Variants in PTPRF observed in about 807,000 individuals in gnomAD.
The protein encoded by PTPRF is receptor-type tyrosine-protein phosphatase F.
Under a neutral mutation model 201.8 loss-of-function variants are expected in PTPRF, and 59 were observed. The observed-to-expected ratio is 0.29, with a 90% CI of 0.24 to 0.36. The LOEUF (loss-of-function observed/expected upper bound fraction) is 0.36, where lower values mean the gene tolerates loss of function less well. Among genes scored for constraint, PTPRF ranks in the 10% least tolerant of loss-of-function variants. The probability of loss-of-function intolerance (pLI) is 1.00; values close to 1 mark genes in which losing one functional copy is unlikely to be tolerated. For missense variants in PTPRF, 2,132 were observed against 2,690.5 expected (o/e 0.79, Z 4.59); for synonymous variants, 1,088 against 1,089.7 (o/e 1.00, Z 0.03).
At chr1:43,576,960 T>C (rs918995192) in intron 6 of PTPRF, among the ~76,000 whole-genome samples, 8 of 152,328 alleles carry the variant, frequency 5.3e-5, no homozygotes, top group Middle Eastern at 3.4e-3. Context: ...CCTGCCCATC[T>C]ACTCAGCCTG....
intron 6 of PTPRF, among the ~76,000 whole-genome samples, chr1:43,571,457 C>G (rs1229924733): frequency 1.3e-5 from 2 of 152,238 alleles, no homozygotes; most frequent in African/African-American, 4.8e-5. Context: ...AAAATTCGAC[C>G]TGCCTTCTGG....
intron 6 of PTPRF, among the ~76,000 whole-genome samples, chr1:43,572,443 G>A (rs1465254023): frequency 6.6e-6 from 1 of 152,192 alleles, no homozygotes; most frequent in Non-Finnish European, 1.5e-5. Flanking sequence ...TCCAGCTCCT[G>A]GGATGGAGCC....
upstream of PTPRF, among the ~76,000 whole-genome samples, chr1:43,524,275 G>A (rs141301554): frequency 9.6e-4 from 146 of 152,158 alleles, no homozygotes; most frequent in African/African-American, 3.4e-3. Flanking sequence ...TTCAGATGAC[G>A]GATGCACCAA....
chr1:43,592,480 C>T lies in PTPRF; in HGVS notation c.1692C>T (p.Thr564=). ...AGCACAAGGTGACCTTCGACCCAAC[C>T]TCCTCCTACACACTAGAGGACCTGA... The part of the protein sequence containing the change: ...DQQHKVTFDP[T]SSYTLEDLKP... Residue 564 remains threonine (T), a synonymous_variant, in exon 11 of 34, where the codon ACC becomes ACT. Coordinates refer to ENST00000359947, the MANE Select transcript of PTPRF (RefSeq NM_002840.5). The T allele has an allele frequency of 2.5e-6, 4 of 1,612,022 alleles. No individual in the cohort carries two copies. The highest frequency in any genetic ancestry group is 3.4e-6 in the Non-Finnish European group (4 of 1,179,142).
chr1:43,569,896 T>A, intron 6 of PTPRF, 118 bp downstream of exon 6: 1 of 1,168,866 alleles, frequency 8.6e-7, no homozygotes, highest in Non-Finnish European at 1.1e-6. Flanking sequence ...GGAGGGTACC[T>A]GGTGGGGTGG....
intron 13 of PTPRF, among the ~76,000 whole-genome samples, chr1:43,600,191 T>C (rs2154022452): frequency 6.6e-6 from 1 of 152,264 alleles, no homozygotes; most frequent in East Asian, 1.9e-4. Context: ...GAGGGCTCCT[T>C]GTGGAGCCTC....
intron 22 of PTPRF, chr1:43,613,203 G>A (rs1315565604): frequency 4.2e-5 from 13 of 313,222 alleles, no homozygotes; most frequent in South Asian, 3.2e-4. Flanking sequence ...GACGATGGCT[G>A]TGAGTCTCCC....
Position 43,618,830 on chromosome 1 carries a change from G to A in PTPRF, c.4491+81G>A. On this transcript the variant is annotated intron_variant, in intron 26 of 33. Transcript: ENST00000359947. ...TGGGTGTGGTGTGCTGGGTCGGGGG[G>A]AAGCTGGAGCCTGGGTGTTGGAGGG... 5 of 1,548,708 alleles carry A rather than the reference G, an allele frequency of 3.2e-6. No individual in the cohort carries two copies. The South Asian group carries it at 6.0e-5, about 19-fold the overall frequency.
chr1:43,609,722 CTT>C (rs1655993697), intron 22 of PTPRF, among the ~76,000 whole-genome samples: 1 of 152,260 alleles, frequency 6.6e-6, no homozygotes, highest in Admixed American at 6.5e-5. Context: ...CCAGGACCCT[CTT>C]AGGTGGCAAA....
At chr1:43,612,931 C>CA in intron 22 of PTPRF, 1 of 780,554 alleles carries the variant, frequency 1.3e-6, no homozygotes, top group Non-Finnish European at 1.9e-6. Context: ...TCTTCTCCCC[C>CA]AATCCCACTG....
chr1:43,543,696 A>C (rs375546768), intron 2 of PTPRF, among the ~76,000 whole-genome samples: 1 of 152,176 alleles, frequency 6.6e-6, no homozygotes, highest in East Asian at 1.9e-4. Flanking sequence ...AGCCCTGCCC[A>C]TTCCTGGTCA....
intron 11 of PTPRF, 23 bp from the exon 12 acceptor site, chr1:43,597,725 T>C (rs1652702742): frequency 7.3e-7 from 1 of 1,376,556 alleles, no homozygotes; most frequent in Non-Finnish European, 1.0e-6. Flanking sequence ...TCTGCTTGCT[T>C]CCCCCCCATT....
chr1:43,545,137 T>C lies in PTPRF; in HGVS notation c.62T>C (p.Leu21Pro). 6.3e-7 allele frequency: 1 copy of C among 1,588,610 alleles called. No homozygotes were observed. Among genetic ancestry groups the C allele is most frequent in the Non-Finnish European group, 8.6e-7 (1 of 1,167,004 alleles). Residue 21 changes from leucine (L) to proline (P), a missense_variant, in exon 3 of 34, where the codon CTT becomes CCT. Physicochemically the swap from Leu to Pro is moderately conservative, Grantham distance 98. Coordinates refer to ENST00000359947, the MANE Select transcript of PTPRF (RefSeq NM_002840.5). Reference sequence around the variant, plus strand: ...CCCCTTGTGCCTGCACTGGTGATGCTTGGTTTGGTGGCAGGCGCCCATGGT... The same window carrying C: ...CCCCTTGTGCCTGCACTGGTGATGCCTGGTTTGGTGGCAGGCGCCCATGGT... ...MVPLVPALVM[L>P]GLVAGAHGDS... is the part of the protein sequence containing the mutation.
chr1:43,540,121 G>A (rs550685018), intron 2 of PTPRF, among the ~76,000 whole-genome samples: 1 of 152,260 alleles, frequency 6.6e-6, no homozygotes, highest in East Asian at 1.9e-4. Context: ...GTGGGGGCAG[G>A]GCTTGTTATT....
At chr1:43,567,928 C>T (rs2153985926) in intron 5 of PTPRF, among the ~76,000 whole-genome samples, 2 of 152,334 alleles carry the variant, frequency 1.3e-5, no homozygotes, top group Non-Finnish European at 1.5e-5. Context: ...ACAAAGAACA[C>T]ACATTCCCCT....
intron 3 of PTPRF, among the ~76,000 whole-genome samples, chr1:43,548,896 G>A (rs954983174): frequency 1.3e-5 from 2 of 152,232 alleles, no homozygotes; most frequent in African/African-American, 4.8e-5. Context: ...CCATAGAAGA[G>A]CCTTGATGGT....
At chr1:43,524,719 C>T (rs995454553), upstream of PTPRF, among the ~76,000 whole-genome samples, 5 of 151,896 alleles carry the variant, frequency 3.3e-5, no homozygotes, top group South Asian at 8.3e-4. Context: ...TGTAAGGCAG[C>T]AGGAGAGAGG....
At chr1:43,607,178 G>C (rs1655334313) in intron 21 of PTPRF, among the ~76,000 whole-genome samples, 1 of 152,360 alleles carries the variant, frequency 6.6e-6, no homozygotes, top group Middle Eastern at 3.4e-3. Flanking sequence ...CTCTGCAGCA[G>C]CCTGGGCGTG....
At chr1:43,527,790 G>C (rs1300592779), upstream of PTPRF, among the ~76,000 whole-genome samples, 2 of 152,164 alleles carry the variant, frequency 1.3e-5, no homozygotes, top group Non-Finnish European at 2.9e-5. Flanking sequence ...CAGGCACACA[G>C]GCTAGCGAAC....
Sources: allele counts gnomAD v4.1 joint callset (sites outside exome capture counted in the v4.1 genomes callset), GRCh38; gene constraint gnomAD v4.1.1; transcripts MANE v1.5; gene names NCBI Gene and HGNC (gene_info 2026-07-23, HGNC 2026-07-21).